PRDM16: variants seen among roughly 807,000 people sequenced by gnomAD.
The protein encoded by PRDM16 is PR/SET domain 16, also known as histone-lysine N-methyltransferase PRDM16.
In PRDM16, 23 loss-of-function variants were observed where a neutral mutation model predicts 110.6. That is an observed-to-expected ratio of 0.21 (90% confidence interval 0.15 to 0.29). PRDM16 has a LOEUF of 0.29. PRDM16 is among the 10% of genes least tolerant of loss of function. The pLI, the probability that PRDM16 is intolerant of heterozygous loss-of-function variation, is 1.00. For missense variants in PRDM16, 1,615 were observed against 1,794.3 expected, an observed-to-expected ratio of 0.90 and a Z score of 1.81; for synonymous variants, 799 against 781.8, an observed-to-expected ratio of 1.02 and a Z score of -0.37.
chr1:3,186,231 G>A lies in PRDM16; in HGVS notation c.144G>A (p.Val48=). 6.2e-7 allele frequency: 1 copy of A among 1,612,610 alleles called. No homozygotes were observed. The highest frequency in any genetic ancestry group is 8.5e-7 in the Non-Finnish European group (1 of 1,179,878). ...AEDSAMSPIP[V]GPPSPFPTSE... is the part of the protein sequence containing the mutation. ...ACAGTGCCATGTCGCCCATCCCCGT[G>A]GGGCCACCGTCCCCCTTCCCCACCA... The change falls in exon 2 of 17, where the codon GTG becomes GTA. Residue 48 remains valine (V), a synonymous_variant. Transcript: ENST00000270722.
chr1:3,292,116 A>G (rs1019127314), intron 3 of PRDM16, among the ~76,000 whole-genome samples: 1 of 152,274 alleles, frequency 6.6e-6, no homozygotes, highest in Non-Finnish European at 1.5e-5. Context: ...CCTTGGCAGG[A>G]TGCTGGCCTC....
intron 2 of PRDM16, among the ~76,000 whole-genome samples, chr1:3,225,001 T>A (rs1398462369): frequency 6.6e-6 from 1 of 152,220 alleles, no homozygotes; most frequent in Non-Finnish European, 1.5e-5. Context: ...GGCATCACCT[T>A]CCCATTTGTT....
chr1:3,103,797 G>A (rs1452176150), intron 1 of PRDM16, among the ~76,000 whole-genome samples: 1 of 152,166 alleles, frequency 6.6e-6, no homozygotes, highest in African/African-American at 2.4e-5. Context: ...TTTTTGTGGG[G>A]TTGAGCCTTT....
intron 2 of PRDM16, chr1:3,207,202 T>A (rs1237676565): frequency 1.3e-5 from 2 of 152,246 alleles, no homozygotes; most frequent in Non-Finnish European, 2.9e-5. Flanking sequence ...CATTGATCCC[T>A]TTTTATGACT....
At chr1:3,184,633 C>T (rs1029568534) in intron 1 of PRDM16, among the ~76,000 whole-genome samples, 7 of 152,204 alleles carry the variant, frequency 4.6e-5, no homozygotes, top group African/African-American at 1.2e-4. Context: ...GGCAGTGAGC[C>T]GTTCACCCAG....
chr1:3,134,812 A>C (rs555051192), intron 1 of PRDM16, among the ~76,000 whole-genome samples: 1 of 152,262 alleles, frequency 6.6e-6, no homozygotes, highest in Non-Finnish European at 1.5e-5. Flanking sequence ...CAGAGGCGGC[A>C]AACAGGCGGC....
intron 1 of PRDM16, among the ~76,000 whole-genome samples, chr1:3,078,906 A>G (rs1314797162): frequency 1.3e-5 from 2 of 152,252 alleles, no homozygotes; most frequent in African/African-American, 4.8e-5. Context: ...AAAAATGCCC[A>G]GACATTTCTC....
intron 1 of PRDM16, among the ~76,000 whole-genome samples, chr1:3,082,954 A>G (rs11581212): frequency 0.13 from 19,736 of 152,202 alleles, 1,700 homozygotes; most frequent in Middle Eastern, 0.2. Context: ...TCTGGGACAG[A>G]TGAAACACAG....
At chr1:3,409,628 A>G (rs904582749) in intron 8 of PRDM16, among the ~76,000 whole-genome samples, 2 of 151,812 alleles carry the variant, frequency 1.3e-5, no homozygotes, top group Admixed American at 6.6e-5. Context: ...TGTCCTACAG[A>G]GAGAGACACT....
At chr1:3,363,819 A>G (rs1642760899) in intron 3 of PRDM16, among the ~76,000 whole-genome samples, 1 of 152,156 alleles carries the variant, frequency 6.6e-6, no homozygotes, top group South Asian at 2.1e-4. Context: ...GGAGGAAGGA[A>G]GGAGGAGAAA....
chr1:3,414,773 G>C (rs1305801323), intron 10 of PRDM16, 126 bp downstream of exon 10: 1 of 685,056 alleles, frequency 1.5e-6, no homozygotes, highest in African/African-American at 1.8e-5. Context: ...ACGCACAGAC[G>C]CCCTCAAAGG....
At chr1:3,315,487 C>T (rs1280815958) in intron 3 of PRDM16, among the ~76,000 whole-genome samples, 1 of 152,080 alleles carries the variant, frequency 6.6e-6, no homozygotes, top group African/African-American at 2.4e-5. Flanking sequence ...GACATGGGCA[C>T]ATTTATAAGC....
chr1:3,394,510 G>A (rs1643354901), intron 4 of PRDM16: 3 of 429,920 alleles, frequency 7.0e-6, no homozygotes, highest in Non-Finnish European at 9.4e-6. Flanking sequence ...TGGGGTGGGT[G>A]GTGCGGCCTG....
intron 1 of PRDM16, among the ~76,000 whole-genome samples, chr1:3,181,321 C>G (rs1312203469): frequency 2.4e-5 from 2 of 84,046 alleles, no homozygotes; most frequent in African/African-American, 7.1e-5. Context: ...CTTACACACG[C>G]AATCTTACAC....
intron 1 of PRDM16, among the ~76,000 whole-genome samples, chr1:3,160,246 C>T (rs1643887390): frequency 6.6e-6 from 1 of 152,162 alleles, no homozygotes; most frequent in African/African-American, 2.4e-5. Context: ...ATGGGCTGGG[C>T]AGGCAGGATG....
chr1:3,088,443 C>G (rs1642198919), intron 1 of PRDM16, among the ~76,000 whole-genome samples: 1 of 112,270 alleles, frequency 8.9e-6, no homozygotes, highest in Non-Finnish European at 2.0e-5. Flanking sequence ...TGCAGGGATT[C>G]TTTTATTATT....
chr1:3,418,437 G>A (rs1638334575), intron 11 of PRDM16, among the ~76,000 whole-genome samples: 1 of 152,206 alleles, frequency 6.6e-6, no homozygotes, highest in African/African-American at 2.4e-5. Flanking sequence ...GGGCCGAGAC[G>A]CTTCAGGGGG....
Position 3,209,930 on chromosome 1 carries a change from A to C in PRDM16, c.387+23456A>C, listed in dbSNP as rs1638842223. 6.6e-6 allele frequency among the ~76,000 whole-genome samples: 1 copy of C among 152,240 alleles called. No homozygotes were observed. ...TGCACCTGTGTTAGCCCTTTCACAGAACTCTTACTTAACATGGAAAATATC... is the reference window on the plus strand; with the variant it reads ...TGCACCTGTGTTAGCCCTTTCACAGCACTCTTACTTAACATGGAAAATATC... On this transcript the variant is annotated intron_variant, in intron 2 of 16. Coordinates refer to ENST00000270722, the MANE Select transcript of PRDM16 (RefSeq NM_022114.4). This position sits in a 1 kb window ranked among gnomAD's most constrained non-coding sequence, Gnocchi z 4.6.
intron 14 of PRDM16, 150 bp downstream of exon 14, chr1:3,426,375 C>A: frequency 1.7e-6 from 1 of 585,706 alleles, no homozygotes; most frequent in African/African-American, 1.9e-5. Context: ...GGGTGAGGCC[C>A]CTGGGCTCTG....
Sources: allele counts gnomAD v4.1 joint callset (sites outside exome capture counted in the v4.1 genomes callset), GRCh38; gene constraint gnomAD v4.1.1; non-coding constraint Gnocchi (gnomAD v3.1); transcripts MANE v1.5; gene names NCBI Gene and HGNC (gene_info 2026-07-23, HGNC 2026-07-21).